PRB3: variants seen among roughly 807,000 people sequenced by gnomAD.
The protein encoded by PRB3 is proline rich protein BstNI subfamily 3.
In PRB3, 9 loss-of-function variants were observed where a neutral mutation model predicts 10.0. The ratio of observed to expected loss-of-function variants is 0.90; its 90% CI spans 0.54 to 1.57. PRB3 has a LOEUF of 1.57. Ranked by LOEUF, PRB3 falls within the 40% of genes most tolerant of loss-of-function variation. The pLI is 0.00. For missense variants in PRB3, 285 were observed against 385.5 expected, an observed-to-expected ratio of 0.74 and a Z score of 2.18; for synonymous variants, 89 against 138.6, an observed-to-expected ratio of 0.64 and a Z score of 2.52.
Position 11,268,118 on chromosome 12 carries a change from C to G in PRB3, c.131G>C (p.Gly44Ala). The change falls in exon 3 of 4, where the codon GGA (glycine) becomes GCA (alanine). Residue 44 changes from glycine (G) to alanine (A), a missense_variant. Coordinates refer to ENST00000538488, the MANE Select transcript of PRB3 (RefSeq NM_001394862.1). ...GKPEGRRPQG[G>A]NQPQRTPPPP... is the part of the protein sequence containing the mutation. ...AGGTGGGGTACGTTGGGGCTGGTTT[C>G]CTCCTTGTGGGCGTCGTCCTTCTGG... The G allele has an allele frequency of 7.0e-7, 1 of 1,425,540 alleles. No individual in the cohort carries two copies. Among genetic ancestry groups the G allele is most frequent in the Non-Finnish European group, 9.5e-7 (1 of 1,055,012 alleles). 88.3% of individuals were successfully genotyped at this position (1,425,540 alleles called of 1,614,324 possible).
intron 1 of PRB3, 69 bp downstream of exon 1, chr12:11,269,537 C>A: frequency 6.4e-7 from 1 of 1,571,926 alleles, no homozygotes; most frequent in Non-Finnish European, 8.8e-7. Flanking sequence ...CCTCTCTTCC[C>A]CATAATTACA....
Position 11,268,007 on chromosome 12 carries a change from G to A in PRB3, c.242C>T (p.Pro81Leu). 6.5e-7 allele frequency: 1 copy of A among 1,541,850 alleles called. No homozygotes were observed. The highest frequency in any genetic ancestry group is 1.5e-5 in the African/African-American group (1 of 68,504). ...PPPRPGKPEG[P>L]PPQGGNQSQG... ...GGACTGGTTTCCTCCTTGTGGGGGTGGTCCTTCTGGCTTTCCTGGACGAGG... is the reference window on the plus strand; with the variant it reads ...GGACTGGTTTCCTCCTTGTGGGGGTAGTCCTTCTGGCTTTCCTGGACGAGG... Residue 81 changes from proline to leucine, a missense_variant, in exon 3 of 4, where the codon CCA (proline) becomes CTA (leucine). By Grantham distance (98) the Pro-to-Leu change is moderately conservative. Around this residue, in one of 3 missense-constraint regions of PRB3, gnomAD observed 147 missense variants for 129.4 expected, o/e 1.14. Transcript: ENST00000538488.
chr12:11,269,605 C>G lies in PRB3; in HGVS notation c.64+1G>C. On this transcript the variant is annotated splice_donor_variant, in intron 1 of 3. Coordinates refer to ENST00000538488, the MANE Select transcript of PRB3 (RefSeq NM_001394862.1). LOFTEE classifies it high-confidence loss of function. ...CACATCTTCTCCTCCTTCTGTCTTA[C>G]CTTCATTTAAGCTCTGAGCTGAGCT... is the stretch of plus-strand genomic sequence containing the variant. The G allele has an allele frequency of 6.2e-7, 1 of 1,613,988 alleles. No homozygotes were observed. Among genetic ancestry groups the G allele is most frequent in the Non-Finnish European group, 8.5e-7 (1 of 1,179,898 alleles).
intron 2 of PRB3, among the ~76,000 whole-genome samples, 173 bp downstream of exon 2, chr12:11,268,460 G>T (rs1245058719): frequency 6.6e-6 from 1 of 152,130 alleles, no homozygotes; most frequent in Non-Finnish European, 1.5e-5. Context: ...CAATTTGGTG[G>T]CCCTGCTCAT....
rs1352842792 is a variant in PRB3 at position 11,267,443 on chromosome 12, C to A, written c.806G>T (p.Gly269Val). 3 of 1,540,886 alleles carry A rather than the reference C, an allele frequency of 1.9e-6. No individual in the cohort carries two copies. Among genetic ancestry groups the A allele is most frequent in the South Asian group, 2.4e-5 (2 of 81,988 alleles). The change falls in exon 3 of 4, where the codon GGA (glycine) becomes GTA (valine). Residue 269 changes from glycine (G) to valine (V), a missense_variant. Physicochemically the swap from Gly to Val is moderately radical, Grantham distance 109. Around this residue, in one of 3 missense-constraint regions of PRB3, gnomAD observed 108 missense variants for 106.9 expected, o/e 1.01. Transcript: ENST00000538488. ...GPPPRPGKPE[G>V]PPSQGGNKPQ... is the part of the protein sequence containing the mutation. Reference sequence around the variant, plus strand: ...TTTGTTGCCTCCTTGTGAAGGTGGTCCTTCTGGCTTTCCTGGACGAGGTGG... The same window carrying A: ...TTTGTTGCCTCCTTGTGAAGGTGGTACTTCTGGCTTTCCTGGACGAGGTGG...
At position 11,266,035 on chromosome 12, in the gene PRB3, A is replaced by G; in HGVS notation, c.*18-6T>C. On this transcript the variant is annotated splice_region_variant and splice_polypyrimidine_tract_variant and intron_variant, in intron 3 of 3. Transcript: ENST00000538488. ...GTCATCTTCTTGTTCACTTCCTGAA[A>G]CAAACAAACAAGGAATTTCATAGAG... is the stretch of plus-strand genomic sequence containing the variant. The G allele has an allele frequency of 2.2e-6, 1 of 455,384 alleles. No individual in the cohort carries two copies. The allele number at this position is 455,384 out of a possible 1,614,324, so 28.2% of individuals were successfully genotyped here. A position where few individuals can be genotyped will look rare whatever the true frequency, so the allele number is the denominator to read the frequency against.
chr12:11,268,643 G>C lies in PRB3; in HGVS notation c.90C>G (p.Ser30=). 1 of 1,612,292 alleles carries C rather than the reference G, an allele frequency of 6.2e-7. No homozygotes were observed. The highest frequency in any genetic ancestry group is 8.5e-7 in the Non-Finnish European group (1 of 1,178,290). The part of the protein sequence containing the change: ...NEDVSQEESP[S]VISGKPEGRR... ...TGAATTGGGATTTACCTGATATTACGGAGGGAGATTCTTCCTGGCTGACAT... is the reference window on the plus strand; with the variant it reads ...TGAATTGGGATTTACCTGATATTACCGAGGGAGATTCTTCCTGGCTGACAT... The change falls in exon 2 of 4, where the codon TCC becomes TCG. Residue 30 remains serine, a synonymous_variant. Transcript: ENST00000538488.
chr12:11,267,162 A>C lies in PRB3; in HGVS notation c.*17+14T>G. ...CACTTAGAGCACTTGGTGAAGAATA[A>C]ACTGGAATCATACCTGTCATTGAAC... On this transcript the variant is annotated intron_variant, in intron 3 of 3. Transcript: ENST00000538488. The C allele has an allele frequency of 6.3e-7, 1 of 1,586,920 alleles. No individual in the cohort carries two copies. Among genetic ancestry groups the C allele is most frequent in the Non-Finnish European group, 8.7e-7 (1 of 1,155,308 alleles).
rs7294995 is a variant in PRB3, at chr12:11,265,934, A to T, written c.*113T>A. On this transcript the variant is annotated 3_prime_UTR_variant, in exon 4 of 4. Coordinates refer to ENST00000538488, the MANE Select transcript of PRB3 (RefSeq NM_001394862.1). ...CACAATCAGAAATTGTAAGCTGTTT[A>T]TTTTATTGGTATATTAAAGGTAGAG... is the stretch of plus-strand genomic sequence containing the variant. The T allele has an allele frequency of 4.4e-5, 20 of 455,788 alleles. No homozygotes were observed. The highest frequency in any genetic ancestry group is 1.1e-4 in the South Asian group (7 of 64,440). 28.2% of individuals were successfully genotyped at this position (455,788 alleles called of 1,614,324 possible).
At chr12:11,266,232 G>T (rs1565761852) in intron 3 of PRB3, among the ~76,000 whole-genome samples, 1 of 152,206 alleles carries the variant, frequency 6.6e-6, no homozygotes, top group Non-Finnish European at 1.5e-5. Context: ...AATTGTTGCT[G>T]AGAAGATGAA....
intron 1 of PRB3, among the ~76,000 whole-genome samples, chr12:11,269,326 A>G (rs1948627655): frequency 6.6e-6 from 1 of 152,210 alleles, no homozygotes; most frequent in Non-Finnish European, 1.5e-5. Context: ...TCTGCCTTGC[A>G]TTCACCACTG....
chr12:11,268,503 C>T, intron 2 of PRB3, 130 bp downstream of exon 2: 2 of 1,271,038 alleles, frequency 1.6e-6, no homozygotes, highest in Non-Finnish European at 2.3e-6. Flanking sequence ...TGAAGATTGC[C>T]TGCATTATTA....
At chr12:11,268,725 A>G (rs1442081214) in intron 1 of PRB3, 57 bp from the exon 2 acceptor site, 46 of 1,560,726 alleles carry the variant, frequency 2.9e-5, no homozygotes, top group Non-Finnish European at 3.9e-5. Context: ...TGCAAGATTC[A>G]CAGGTGTTCT....
At chr12:11,268,769 C>A (rs1453574091) in intron 1 of PRB3, 101 bp from the exon 2 acceptor site, 1 of 1,360,170 alleles carries the variant, frequency 7.4e-7, no homozygotes. Flanking sequence ...ACACCCCATG[C>A]ATCCCCTAGG....
rs778512416 is a variant in PRB3, at chr12:11,268,587, G to A, written c.100+46C>T. Reference sequence around the variant, plus strand: ...CACTGGAGAACTGATCCATTCATAAGCAGAAGAAGATAGTTAAAACAGATT... The same window carrying A: ...CACTGGAGAACTGATCCATTCATAAACAGAAGAAGATAGTTAAAACAGATT... On this transcript the variant is annotated intron_variant, in intron 2 of 3. Coordinates refer to ENST00000538488, the MANE Select transcript of PRB3 (RefSeq NM_001394862.1). 4.5e-6 allele frequency: 7 copies of A among 1,559,196 alleles called. No homozygotes were observed. In the East Asian group the frequency reaches 1.1e-4, roughly 25 times the overall value.
chr12:11,269,251 G>A (rs1348260171), intron 1 of PRB3, among the ~76,000 whole-genome samples: 1 of 152,116 alleles, frequency 6.6e-6, no homozygotes, highest in Non-Finnish European at 1.5e-5. Context: ...GTAGAGCAAG[G>A]CCACAATCAT....
At chr12:11,268,250 A>T in intron 2 of PRB3, 102 bp from the exon 3 acceptor site, 1 of 1,565,260 alleles carries the variant, frequency 6.4e-7, no homozygotes. Context: ...CCAGACACTA[A>T]TTTCTTTGCA....
At chr12:11,266,814 G>A (rs1228169297) in intron 3 of PRB3, among the ~76,000 whole-genome samples, 5 of 152,170 alleles carry the variant, frequency 3.3e-5, no homozygotes, top group Admixed American at 6.5e-5. Flanking sequence ...TACTGGACTC[G>A]AGAGGCTGGC....
chr12:11,269,578 A>T, intron 1 of PRB3, 28 bp downstream of exon 1: 1 of 1,613,102 alleles, frequency 6.2e-7, no homozygotes, highest in Non-Finnish European at 8.5e-7. Context: ...AAGCAGAGTC[A>T]CCACATCTTC....
Sources: allele counts gnomAD v4.1 joint callset (sites outside exome capture counted in the v4.1 genomes callset), GRCh38; gene constraint gnomAD v4.1.1; regional missense constraint gnomAD v4.1.1; transcripts MANE v1.5; gene names NCBI Gene and HGNC (gene_info 2026-07-23, HGNC 2026-07-21).